Variants in KRT76 observed in about 807,000 individuals in gnomAD.
The protein encoded by KRT76 is keratin, type II cytoskeletal 2 oral.
Under a neutral mutation model 44.9 loss-of-function variants are expected in KRT76, and 47 were observed. The ratio of observed to expected loss-of-function variants is 1.05; its 90% CI spans 0.83 to 1.33. KRT76 has a LOEUF of 1.33. Ranked by LOEUF, KRT76 falls within the 40% of genes most tolerant of loss-of-function variation. The probability of loss-of-function intolerance (pLI) is 0.00; values close to 1 mark genes in which losing one functional copy is unlikely to be tolerated. For missense variants in KRT76, 860 were observed against 775.8 expected (o/e 1.11, Z -1.29); for synonymous variants, 331 against 294.1 (o/e 1.13, Z -1.28).
At position 52,772,761 on chromosome 12, in the gene KRT76, A is replaced by G. The variant is rs1330088192; in HGVS notation, c.972+22T>C. ...GAAGAATCAGACAGGAAGGTTCTGC[A>G]GCTTGCAAACCAAGGAATCACCATC... On this transcript the variant is annotated intron_variant, in intron 4 of 8. Coordinates refer to ENST00000332411, the MANE Select transcript of KRT76 (RefSeq NM_015848.4). 2.0e-6 allele frequency: 3 copies of G among 1,522,810 alleles called. No homozygotes were observed. The African/African-American group carries it at 4.1e-5, about 21-fold the overall frequency. The allele number at this position is 1,522,810 out of a possible 1,614,324, so 94.3% of individuals were successfully genotyped here.
At position 52,771,813 on chromosome 12, in the gene KRT76, C is replaced by T. The variant is rs1386172623; in HGVS notation, c.1263+58G>A. Reference sequence around the variant, plus strand: ...ATGTAGCAGAGGAGCAGAGCTTATGCTGCTTCTCTCCGGGGCCCAGAAGAC... The same window carrying T: ...ATGTAGCAGAGGAGCAGAGCTTATGTTGCTTCTCTCCGGGGCCCAGAAGAC... On this transcript the variant is annotated intron_variant, in intron 6 of 8. Coordinates refer to ENST00000332411, the MANE Select transcript of KRT76 (RefSeq NM_015848.4). 17 of 1,574,222 alleles carry T rather than the reference C, an allele frequency of 1.1e-5. No homozygotes were observed. The African/African-American group carries it at 1.9e-4, about 18-fold the overall frequency.
intron 7 of KRT76, among the ~76,000 whole-genome samples, chr12:52,770,286 C>T (rs1939159083): frequency 6.6e-6 from 1 of 152,172 alleles, no homozygotes; most frequent in African/African-American, 2.4e-5. Context: ...CTGCTTCCTC[C>T]ATCAGATTGG....
In KRT76 at chr12:52,768,956, G is replaced by T. The variant is rs373994429; in HGVS notation, c.1674C>A (p.Gly558=). The change falls in exon 9 of 9, where the codon GGC becomes GGA. Residue 558 remains glycine (G), a synonymous_variant. Transcript: ENST00000332411. The stretch of plus-strand genomic sequence containing the variant: ...TGCTGCCACTGCTGACCCCTCCATA[G>T]CCACTGCCGCTGCCGCCACTGACTC... ...GYGVSGGSGS[G]YGGVSSGSTG... is the part of the protein sequence containing the mutation. 279 of 1,346,054 alleles carry T rather than the reference G, an allele frequency of 2.1e-4. No individual in the cohort carries two copies. The highest frequency in any genetic ancestry group is 2.8e-4 in the Non-Finnish European group (270 of 950,822). 83.4% of individuals were successfully genotyped at this position (1,346,054 alleles called of 1,614,324 possible).
At position 52,771,025 on chromosome 12, in the gene KRT76, G is replaced by T. The variant is rs1176281462; in HGVS notation, c.1458C>A (p.Arg486=). The change falls in exon 7 of 9, where the codon CGC becomes CGA. Residue 486 remains arginine (R), a synonymous_variant. Coordinates refer to ENST00000332411, the MANE Select transcript of KRT76 (RefSeq NM_015848.4). ...TGCACTCCTCTCCCTCCAGCAGCTT[G>T]CGGTAGGTGGCAATCTCCACATCCA... ...LALDVEIATY[R]KLLEGEECRM... is the part of the protein sequence containing the mutation. 6.2e-7 allele frequency: 1 copy of T among 1,614,096 alleles called. No homozygotes were observed. The highest frequency in any genetic ancestry group is 1.1e-5 in the South Asian group (1 of 91,078).
At chr12:52,771,247 G>C in intron 6 of KRT76, 28 bp from the exon 7 acceptor site, 1 of 1,606,528 alleles carries the variant, frequency 6.2e-7, no homozygotes, top group Non-Finnish European at 8.5e-7. Context: ...TTAGCATAGT[G>C]ACCCGGAAAC....
chr12:52,775,171 G>A (rs1010460804), intron 2 of KRT76, among the ~76,000 whole-genome samples: 2 of 152,180 alleles, frequency 1.3e-5, no homozygotes, highest in Non-Finnish European at 2.9e-5. Context: ...GGCTGGAATA[G>A]GAGGGGGCCC....
chr12:52,776,587 A>G, intron 1 of KRT76, 105 bp downstream of exon 1: 1 of 1,576,002 alleles, frequency 6.3e-7, no homozygotes, highest in Non-Finnish European at 8.7e-7. Context: ...CCAGGACAAG[A>G]GCCAAGCGCC....
intron 2 of KRT76, among the ~76,000 whole-genome samples, chr12:52,774,916 C>T (rs150493708): frequency 3.0e-4 from 45 of 152,256 alleles, no homozygotes; most frequent in Non-Finnish European, 5.4e-4. Context: ...GGAGATTGGA[C>T]GGGACACACT....
At position 52,775,242 on chromosome 12, in the gene KRT76, C is replaced by G. The variant is rs182780502; in HGVS notation, c.815+146G>C. On this transcript the variant is annotated intron_variant, in intron 2 of 8. Transcript: ENST00000332411. ...GAGTCTCAGTCCCCACCCTTTCACC[C>G]CCTTCTGCTTTGTCATGTTTCACTC... 102 of 725,232 alleles carry G rather than the reference C, an allele frequency of 1.4e-4. 1 individual carries two copies. The African/African-American group carries it at 1.8e-3, about 13-fold the overall frequency. 44.9% of individuals were successfully genotyped at this position (725,232 alleles called of 1,614,324 possible). A position where few individuals can be genotyped will look rare whatever the true frequency, so the allele number is the denominator to read the frequency against.
chr12:52,775,663 T>C (rs755399903), intron 1 of KRT76, 61 bp from the exon 2 acceptor site: 25 of 1,343,192 alleles, frequency 1.9e-5, no homozygotes, highest in Non-Finnish European at 2.4e-5. Context: ...GGGCTGCCCA[T>C]CCCAAATGTA....
At chr12:52,774,118 G>A (rs1390475745) in intron 2 of KRT76, among the ~76,000 whole-genome samples, 2 of 152,124 alleles carry the variant, frequency 1.3e-5, no homozygotes, top group Non-Finnish European at 2.9e-5. Context: ...AGGCATGATT[G>A]AAATTCTTAA....
intron 7 of KRT76, among the ~76,000 whole-genome samples, chr12:52,770,094 A>G (rs1292093088): frequency 6.6e-6 from 1 of 152,172 alleles, no homozygotes; most frequent in Non-Finnish European, 1.5e-5. Flanking sequence ...TACACTGTCC[A>G]TCTTCCTGTG....
intron 4 of KRT76, 41 bp downstream of exon 4, chr12:52,772,742 T>G: frequency 7.2e-7 from 1 of 1,392,138 alleles, no homozygotes; most frequent in East Asian, 2.3e-5. Context: ...TTGGGAAGAA[T>G]CAGACAGGAA....
intron 4 of KRT76, 89 bp from the exon 5 acceptor site, chr12:52,772,347 G>A: frequency 7.8e-7 from 1 of 1,278,674 alleles, no homozygotes; most frequent in Non-Finnish European, 1.1e-6. Context: ...CCAAGGATGG[G>A]GCTAGAGGTG....
chr12:52,775,278 T>C, intron 2 of KRT76, 110 bp downstream of exon 2: 1 of 923,324 alleles, frequency 1.1e-6, no homozygotes, highest in East Asian at 2.4e-5. Context: ...AATAAATCCA[T>C]CCCAGAGTAT....
At chr12:52,776,281 T>C (rs1252928034) in intron 1 of KRT76, among the ~76,000 whole-genome samples, 1 of 152,172 alleles carries the variant, frequency 6.6e-6, no homozygotes, top group Non-Finnish European at 1.5e-5. Context: ...CCAATGCACC[T>C]CATTTAGATG....
chr12:52,771,016 C>T lies in KRT76; in HGVS notation c.1467G>A (p.Leu489=). The T allele has an allele frequency of 6.2e-7, 1 of 1,614,156 alleles. No homozygotes were observed. The highest frequency in any genetic ancestry group is 8.5e-7 in the Non-Finnish European group (1 of 1,180,044). The part of the protein sequence containing the change: ...DVEIATYRKL[L]EGEECRMSGE... Reference sequence around the variant, plus strand: ...CCCCTCACCTGCACTCCTCTCCCTCCAGCAGCTTGCGGTAGGTGGCAATCT... The same window carrying T: ...CCCCTCACCTGCACTCCTCTCCCTCTAGCAGCTTGCGGTAGGTGGCAATCT... The change falls in exon 7 of 9, where the codon CTG becomes CTA. Residue 489 remains leucine (L), a synonymous_variant. Coordinates refer to ENST00000332411, the MANE Select transcript of KRT76 (RefSeq NM_015848.4).
chr12:52,770,883 G>T, intron 7 of KRT76, 116 bp downstream of exon 7: 1 of 1,346,338 alleles, frequency 7.4e-7, no homozygotes, highest in South Asian at 1.3e-5. Flanking sequence ...TGTCATTCAA[G>T]ACACTCCTTG....
chr12:52,773,519 ACT>A, intron 3 of KRT76, 61 bp downstream of exon 3: 1 of 1,214,980 alleles, frequency 8.2e-7, no homozygotes, highest in South Asian at 1.3e-5. Context: ...CTGGCTGTGC[ACT>A]CTCTCCATGG....
Sources: allele counts gnomAD v4.1 joint callset (sites outside exome capture counted in the v4.1 genomes callset), GRCh38; gene constraint gnomAD v4.1.1; transcripts MANE v1.5; gene names NCBI Gene and HGNC (gene_info 2026-07-23, HGNC 2026-07-21).